The following KCNH1 variants were observed in gnomAD, a reference collection of about 807,000 sequenced individuals.
KCNH1 encodes the protein voltage-gated delayed rectifier potassium channel KCNH1.
KCNH1 carries 27 observed loss-of-function variants against 69.2 expected under a neutral mutation model. The ratio of observed to expected loss-of-function variants is 0.39; its 90% CI spans 0.29 to 0.54. The LOEUF is 0.54. Ranked by LOEUF, KCNH1 falls within the 20% of genes least tolerant of loss-of-function variation. The pLI is 0.68. For synonymous variants in KCNH1, 456 were observed against 487.7 expected, an observed-to-expected ratio of 0.93 and a Z score of 0.86; for missense variants, 798 against 1,261.6, an observed-to-expected ratio of 0.63 and a Z score of 5.57.
chr1:210,841,887 C>T (rs530307636), intron 7 of KCNH1, among the ~76,000 whole-genome samples: 2 of 152,236 alleles, frequency 1.3e-5, no homozygotes, highest in East Asian at 1.9e-4. Flanking sequence ...ATCCCATGCA[C>T]ACTCTGGAGG....
chr1:210,688,678 T>C (rs947168414), intron 10 of KCNH1, among the ~76,000 whole-genome samples: 2 of 152,238 alleles, frequency 1.3e-5, no homozygotes, highest in South Asian at 2.1e-4. Flanking sequence ...ATTTTATTTT[T>C]TGAACTCTTA....
At chr1:210,880,626 A>C (rs1022264694) in intron 7 of KCNH1, among the ~76,000 whole-genome samples, 6 of 152,156 alleles carry the variant, frequency 3.9e-5, no homozygotes, top group Admixed American at 6.5e-5. Flanking sequence ...ACAACCATAC[A>C]ACTTTCAGAA....
intron 3 of KCNH1, among the ~76,000 whole-genome samples, chr1:211,092,333 C>G (rs552996204): frequency 6.6e-6 from 1 of 152,316 alleles, no homozygotes; most frequent in Non-Finnish European, 1.5e-5. Context: ...ACAACAGCTA[C>G]TTTACAGATT....
intron 7 of KCNH1, among the ~76,000 whole-genome samples, chr1:210,820,974 T>C (rs1406194329): frequency 6.6e-6 from 1 of 152,186 alleles, no homozygotes; most frequent in Non-Finnish European, 1.5e-5. Flanking sequence ...AATAAATTTG[T>C]GTTGTTTTAA....
At chr1:210,745,769 A>C (rs569612871) in intron 10 of KCNH1, among the ~76,000 whole-genome samples, 1 of 151,934 alleles carries the variant, frequency 6.6e-6, no homozygotes, top group Non-Finnish European at 1.5e-5. Context: ...TCAGTTCTAG[A>C]AGGCTTTTCA....
At chr1:210,904,556 A>C (rs1187463710) in intron 7 of KCNH1, among the ~76,000 whole-genome samples, 1 of 152,232 alleles carries the variant, frequency 6.6e-6, no homozygotes, top group African/African-American at 2.4e-5. Flanking sequence ...TCTGGAGCCC[A>C]GGCTGCACGG....
At chr1:210,713,540 A>G (rs777545108) in intron 10 of KCNH1, among the ~76,000 whole-genome samples, 16 of 152,228 alleles carry the variant, frequency 1.1e-4, no homozygotes, top group Non-Finnish European at 1.9e-4. Flanking sequence ...CTTGCTCTCC[A>G]TAAAGAAATA....
chr1:211,130,268 C>T (rs1008874210), intron 1 of KCNH1, among the ~76,000 whole-genome samples: 12 of 152,276 alleles, frequency 7.9e-5, no homozygotes, highest in Admixed American at 2.6e-4. Context: ...TGCCTACTTA[C>T]GGCAATTTAA....
chr1:211,128,958 AG>A (rs1403644344), intron 1 of KCNH1, among the ~76,000 whole-genome samples: 1 of 152,214 alleles, frequency 6.6e-6, no homozygotes, highest in African/African-American at 2.4e-5. Flanking sequence ...GCTTACAAAT[AG>A]AATATTCCTC....
intron 9 of KCNH1, among the ~76,000 whole-genome samples, chr1:210,795,803 A>T (rs966763909): frequency 2.6e-5 from 4 of 152,126 alleles, no homozygotes; most frequent in Non-Finnish European, 4.4e-5. Context: ...GTACCTGGCA[A>T]CTTAATGGGC....
At chr1:211,125,807 C>T (rs1558615415) in intron 1 of KCNH1, among the ~76,000 whole-genome samples, 1 of 152,162 alleles carries the variant, frequency 6.6e-6, no homozygotes, top group Admixed American at 6.5e-5. Context: ...TTAATAATTA[C>T]ATTAATAATT....
chr1:210,976,529 G>A (rs1688614049), intron 6 of KCNH1, among the ~76,000 whole-genome samples: 1 of 144,762 alleles, frequency 6.9e-6, no homozygotes. Flanking sequence ...TTCAACCATT[G>A]CGGAAGTCAG....
chr1:210,728,671 G>T (rs556419796), intron 10 of KCNH1, among the ~76,000 whole-genome samples: 1 of 152,212 alleles, frequency 6.6e-6, no homozygotes, highest in African/African-American at 2.4e-5. Flanking sequence ...ATCCAGGGAC[G>T]CAGCTGCCAC....
chr1:210,814,863 G>A (rs1266254754), intron 7 of KCNH1, among the ~76,000 whole-genome samples: 1 of 152,116 alleles, frequency 6.6e-6, no homozygotes, highest in Non-Finnish European at 1.5e-5. Context: ...TGATAAGTTG[G>A]CCTGTGCTTT....
At position 210,679,276 on chromosome 1, in the gene KCNH1, A is replaced by G. The variant is rs138134481; in HGVS notation, c.*4005T>C. Reference sequence around the variant, plus strand: ...GTCTGGGGCATCAAGTGTGCCCTCAATGGCCTCCTCTTTAAGCAACACTAG... The same window carrying G: ...GTCTGGGGCATCAAGTGTGCCCTCAGTGGCCTCCTCTTTAAGCAACACTAG... On this transcript the variant is annotated 3_prime_UTR_variant, in exon 11 of 11. Coordinates refer to ENST00000271751, the MANE Select transcript of KCNH1 (RefSeq NM_172362.3). The G allele has an allele frequency of 2.6e-5, 4 of 152,332 alleles. No individual in the cohort carries two copies. Among genetic ancestry groups the G allele is most frequent in the African/African-American group, 9.6e-5 (4 of 41,574 alleles). The allele number at this position is 152,332 out of a possible 1,614,324, so 9.4% of individuals were successfully genotyped here. A position where few individuals can be genotyped will look rare whatever the true frequency, so the allele number is the denominator to read the frequency against.
chr1:210,754,844 GCACACACACACACACACA>G (rs3040180), intron 10 of KCNH1, among the ~76,000 whole-genome samples: 10 of 148,850 alleles, frequency 6.7e-5, no homozygotes, highest in Non-Finnish European at 8.9e-5. Context: ...GTACACACGG[GCACACACACACACACACA>G]CACACACACA....
intron 6 of KCNH1, among the ~76,000 whole-genome samples, chr1:211,002,527 A>T (rs1689208099): frequency 6.6e-6 from 1 of 152,074 alleles, no homozygotes; most frequent in African/African-American, 2.4e-5. Context: ...CAGAGAGTTC[A>T]GATTATGGAG....
At chr1:210,876,828 G>T (rs1042457906) in intron 7 of KCNH1, among the ~76,000 whole-genome samples, 1 of 152,054 alleles carries the variant, frequency 6.6e-6, no homozygotes, top group East Asian at 1.9e-4. Flanking sequence ...CACCCTTAGC[G>T]TCACTAAGTG....
chr1:210,910,378 T>C (rs1687206658), intron 7 of KCNH1, among the ~76,000 whole-genome samples: 1 of 151,978 alleles, frequency 6.6e-6, no homozygotes, highest in Non-Finnish European at 1.5e-5. Context: ...CATCAAGCAC[T>C]AGCCTACGGC....
Sources: gnomAD v4.1 joint callset for allele counts (sites outside exome capture counted in the v4.1 genomes callset) on GRCh38, gnomAD v4.1.1 for gene constraint, MANE v1.5 for transcripts, NCBI Gene and HGNC (gene_info 2026-07-23, HGNC 2026-07-21) for gene names.